Variants in B4GALT4 observed in about 807,000 individuals in gnomAD.
B4GALT4 encodes beta-1,4-galactosyltransferase 4.
Under a neutral mutation model 37.3 loss-of-function variants are expected in B4GALT4, and 27 were observed. The ratio of observed to expected loss-of-function variants is 0.72; its 90% CI spans 0.53 to 1.00. The LOEUF is 1.00. B4GALT4 is among the 50% of genes least tolerant of loss of function. The pLI is 0.00. For synonymous variants in B4GALT4, 148 were observed against 154.1 expected (o/e 0.96, Z 0.29); for missense variants, 372 against 413.1 (o/e 0.90, Z 0.86).
Position 119,229,854 on chromosome 3 carries a change from A to C in B4GALT4, c.246T>G (p.Pro82=), listed in dbSNP as rs961101053. The C allele has an allele frequency of 6.2e-7, 1 of 1,614,140 alleles. No individual in the cohort carries two copies. Among genetic ancestry groups the C allele is most frequent in the Non-Finnish European group, 8.5e-7 (1 of 1,179,984 alleles). Residue 82 remains proline, a synonymous_variant, in exon 3 of 8, where the codon CCT becomes CCG. Transcript: ENST00000393765. ...GAAAAAAGCAACACTTACTGAGGTA[A>C]GGAGACACAGAAGGGCAGTTGTCAA... ...VELDNCPSVS[P]YLRGQSKLIF...
At chr3:119,236,400 T>C (rs2078987247) in intron 2 of B4GALT4, 1 of 152,220 alleles carries the variant, frequency 6.6e-6, no homozygotes, top group South Asian at 2.1e-4. Flanking sequence ...GTAGTATGGT[T>C]ATGTAAGGGG....
intron 2 of B4GALT4, among the ~76,000 whole-genome samples, chr3:119,231,601 T>C (rs1181037922): frequency 1.3e-5 from 2 of 151,790 alleles, no homozygotes; most frequent in Non-Finnish European, 2.9e-5. Flanking sequence ...ACTAACAATA[T>C]ATACAATTAA....
intron 4 of B4GALT4, 58 bp from the exon 5 acceptor site, chr3:119,224,303 G>A (rs2078535400): frequency 7.2e-7 from 1 of 1,390,168 alleles, no homozygotes; most frequent in Admixed American, 2.3e-5. Flanking sequence ...CATATTGTTT[G>A]CCTCTTAGTT....
intron 2 of B4GALT4, among the ~76,000 whole-genome samples, chr3:119,233,660 T>C (rs538730243): frequency 6.6e-6 from 1 of 152,306 alleles, no homozygotes; most frequent in East Asian, 1.9e-4. Context: ...CAAATATTCA[T>C]AAACTAATAT....
chr3:119,216,057 GAGAACTGT>G (rs2078281372), intron 7 of B4GALT4, 175 bp downstream of exon 7: 4 of 374,652 alleles, frequency 1.1e-5, no homozygotes, highest in Non-Finnish European at 1.9e-5. Flanking sequence ...GCCATGAGTT[GAGAACTGT>G]AGACGTGAGG....
At chr3:119,222,488 T>G (rs1249100185) in intron 5 of B4GALT4, among the ~76,000 whole-genome samples, 2 of 152,170 alleles carry the variant, frequency 1.3e-5, no homozygotes, top group Non-Finnish European at 2.9e-5. Context: ...CTTCCCTTGC[T>G]TCATCTGATA....
intron 3 of B4GALT4, among the ~76,000 whole-genome samples, chr3:119,229,216 TGAG>T (rs768734182): frequency 4.6e-5 from 7 of 152,150 alleles, no homozygotes; most frequent in African/African-American, 7.2e-5. Flanking sequence ...GCTGATGCCA[TGAG>T]GAGAACATAC....
At chr3:119,226,307 CATAAT>C (rs903736036) in intron 4 of B4GALT4, among the ~76,000 whole-genome samples, 14 of 152,338 alleles carry the variant, frequency 9.2e-5, no homozygotes, top group African/African-American at 2.9e-4. Flanking sequence ...GAAAATCAAA[CATAAT>C]ATGTTTCACA....
intron 7 of B4GALT4, 112 bp from the exon 8 acceptor site, chr3:119,212,793 T>G: frequency 9.6e-7 from 1 of 1,043,214 alleles, no homozygotes. Flanking sequence ...TTGTACCTGT[T>G]GTGTTTCCTA....
chr3:119,212,715 A>G lies in B4GALT4; in HGVS notation c.903-34T>C, dbSNP rs1006884699. Reference sequence around the variant, plus strand: ...AAAAAGAACAAATGTGAATGATAAGAATTTAACATATGTCTCCACTGCATT... The same window carrying G: ...AAAAAGAACAAATGTGAATGATAAGGATTTAACATATGTCTCCACTGCATT... On this transcript the variant is annotated intron_variant, in intron 7 of 7. Coordinates refer to ENST00000393765, the MANE Select transcript of B4GALT4 (RefSeq NM_003778.4). 9 of 1,552,186 alleles carry G rather than the reference A, an allele frequency of 5.8e-6. No individual in the cohort carries two copies. In the East Asian group the frequency reaches 9.1e-5, roughly 16 times the overall value.
At chr3:119,233,474 T>A (rs1397458523) in intron 2 of B4GALT4, among the ~76,000 whole-genome samples, 1 of 152,146 alleles carries the variant, frequency 6.6e-6, no homozygotes, top group Non-Finnish European at 1.5e-5. Context: ...ATGCAAAACC[T>A]GTGTATACAG....
At chr3:119,239,239 T>C (rs563559111) in intron 1 of B4GALT4, among the ~76,000 whole-genome samples, 2 of 151,508 alleles carry the variant, frequency 1.3e-5, no homozygotes, top group African/African-American at 4.9e-5. Flanking sequence ...GGTAGGAGAA[T>C]TGCTTGAACC....
intron 1 of B4GALT4, among the ~76,000 whole-genome samples, chr3:119,238,139 T>C (rs1377882092): frequency 6.6e-6 from 1 of 151,792 alleles, no homozygotes; most frequent in African/African-American, 2.4e-5. Flanking sequence ...TGGTGGCGCA[T>C]GCCTGTAGTC....
At chr3:119,224,337 C>CCTG in intron 4 of B4GALT4, 92 bp from the exon 5 acceptor site, 1 of 903,794 alleles carries the variant, frequency 1.1e-6, no homozygotes, top group South Asian at 2.3e-5. Flanking sequence ...TGGTATTATT[C>CCTG]TAATTATTCT....
chr3:119,213,252 A>T (rs1204027700), intron 7 of B4GALT4: 1 of 152,270 alleles, frequency 6.6e-6, no homozygotes, highest in African/African-American at 2.4e-5. Flanking sequence ...CAGAGAGACC[A>T]CCCTGGGCAA....
At chr3:119,222,909 G>C (rs1385474454) in intron 5 of B4GALT4, among the ~76,000 whole-genome samples, 1 of 152,138 alleles carries the variant, frequency 6.6e-6, no homozygotes, top group Non-Finnish European at 1.5e-5. Context: ...TTTAAAGTCA[G>C]TACCTGAGGC....
chr3:119,226,965 T>G lies in B4GALT4; in HGVS notation c.330A>C (p.Arg110Ser). 6.2e-7 allele frequency: 1 copy of G among 1,614,218 alleles called. No individual in the cohort carries two copies. The highest frequency in any genetic ancestry group is 8.5e-7 in the Non-Finnish European group (1 of 1,180,038). The change falls in exon 4 of 8, where the codon AGA becomes AGC. Residue 110 changes from arginine (R) to serine (S), a missense_variant. Physicochemically the swap from Arg to Ser is moderately radical, Grantham distance 110. Coordinates refer to ENST00000393765, the MANE Select transcript of B4GALT4 (RefSeq NM_003778.4). The stretch of plus-strand genomic sequence containing the variant: ...TACATTCCTGAGGGCGATACCGGCC[T>G]CTGGACACTTTGGGATTTTCTGCCT... ...EVQAENPKVS[R>S]GRYRPQECKA...
intron 3 of B4GALT4, among the ~76,000 whole-genome samples, chr3:119,229,559 TGAAA>T (rs1404172503): frequency 1.3e-5 from 2 of 152,204 alleles, no homozygotes; most frequent in African/African-American, 2.4e-5. Context: ...GAGTGGTGAC[TGAAA>T]GAAACATGGG....
chr3:119,239,430 T>G (rs755330317), intron 1 of B4GALT4, among the ~76,000 whole-genome samples: 1 of 152,008 alleles, frequency 6.6e-6, no homozygotes, highest in Non-Finnish European at 1.5e-5. Context: ...AAACAAAGAA[T>G]AGAAAACCAT....
Sources: allele counts gnomAD v4.1 joint callset (sites outside exome capture counted in the v4.1 genomes callset), GRCh38; gene constraint gnomAD v4.1.1; transcripts MANE v1.5; gene names NCBI Gene and HGNC (gene_info 2026-07-23, HGNC 2026-07-21).